SEMA5A: variants seen among roughly 807,000 people sequenced by gnomAD.
SEMA5A encodes semaphorin-5A.
A neutral mutation model predicts 135.5 loss-of-function variants in SEMA5A; 55 were observed. That is an observed-to-expected ratio of 0.41 (90% CI 0.33 to 0.51). SEMA5A has a LOEUF of 0.51. Among genes scored for constraint, SEMA5A ranks in the 20% least tolerant of loss-of-function variants. The pLI is 0.37. For missense variants in SEMA5A, 1,290 were observed against 1,419.9 expected, an observed-to-expected ratio of 0.91 and a Z score of 1.47; for synonymous variants, 580 against 546.5, an observed-to-expected ratio of 1.06 and a Z score of -0.85.
intron 1 of SEMA5A, among the ~76,000 whole-genome samples, chr5:9,506,110 G>A (rs1382088381): frequency 6.6e-6 from 1 of 152,074 alleles, no homozygotes; most frequent in East Asian, 1.9e-4. Context: ...GATAATTTAG[G>A]CTTCTTTTTA....
chr5:9,407,904 CACCACCAATACCACTACCATG>C (rs1447925663), intron 2 of SEMA5A, among the ~76,000 whole-genome samples: 1 of 152,034 alleles, frequency 6.6e-6, no homozygotes, highest in Non-Finnish European at 1.5e-5. Context: ...CTACCACCAT[CACCACCAATACCACTACCATG>C]ACCACCATCA....
chr5:9,212,899 T>TG (rs1404430686), intron 8 of SEMA5A, among the ~76,000 whole-genome samples: 4 of 152,202 alleles, frequency 2.6e-5, no homozygotes, highest in African/African-American at 9.7e-5. Context: ...TTCCAGCTGC[T>TG]GTAACAAAAA....
At chr5:9,047,202 A>T (rs2150033450) in intron 21 of SEMA5A, among the ~76,000 whole-genome samples, 1 of 152,300 alleles carries the variant, frequency 6.6e-6, no homozygotes, top group South Asian at 2.1e-4. Context: ...CTTCTGAAGG[A>T]AATACTTCCT....
chr5:9,495,913 T>C (rs910843949), intron 1 of SEMA5A, among the ~76,000 whole-genome samples: 1 of 152,208 alleles, frequency 6.6e-6, no homozygotes, highest in African/African-American at 2.4e-5. Context: ...GGTTTACTCA[T>C]TACCCCTCTG....
intron 1 of SEMA5A, among the ~76,000 whole-genome samples, chr5:9,494,443 T>C (rs180978249): frequency 4.2e-4 from 64 of 152,274 alleles, no homozygotes; most frequent in Non-Finnish European, 1.0e-4. Flanking sequence ...ACAGAGTCTA[T>C]TCAGGACACA....
chr5:9,224,776 C>A lies in SEMA5A; in HGVS notation c.544G>T (p.Ala182Ser). 1.2e-6 allele frequency: 2 copies of A among 1,614,142 alleles called. No homozygotes were observed. Among genetic ancestry groups the A allele is most frequent in the Non-Finnish European group, 1.7e-6 (2 of 1,180,028 alleles). ...LLTAGGELYAATAMDFPGRDP... is the reference protein window; with the variant it reads ...LLTAGGELYASTAMDFPGRDP... The stretch of plus-strand genomic sequence containing the variant: ...CGTCCTGGAAAATCCATGGCTGTAG[C>A]AGCATAGAGCTCCCCACCAGCTGTG... Residue 182 changes from alanine (A) to serine (S), a missense_variant, in exon 8 of 23, where the codon GCT becomes TCT. Around this residue, in one of 3 missense-constraint regions of SEMA5A, gnomAD observed 145 missense variants for 212.0 expected, o/e 0.68. Coordinates refer to ENST00000382496, the MANE Select transcript of SEMA5A (RefSeq NM_003966.3).
At chr5:9,150,172 G>C (rs563313285) in intron 12 of SEMA5A, among the ~76,000 whole-genome samples, 9 of 152,136 alleles carry the variant, frequency 5.9e-5, no homozygotes, top group African/African-American at 2.2e-4. Flanking sequence ...GATGCTACTC[G>C]ACCATGAGCC....
intron 9 of SEMA5A, among the ~76,000 whole-genome samples, chr5:9,199,579 T>C (rs1218664935): frequency 2.0e-5 from 3 of 152,202 alleles, no homozygotes; most frequent in Non-Finnish European, 4.4e-5. Context: ...ACAAGCTCAC[T>C]TGGACAACAG....
intron 8 of SEMA5A, among the ~76,000 whole-genome samples, chr5:9,212,129 C>T (rs552072857): frequency 6.6e-6 from 1 of 152,290 alleles, no homozygotes; most frequent in South Asian, 2.1e-4. Flanking sequence ...TCAAGTTTTT[C>T]CTCTGTGTGC....
intron 21 of SEMA5A, 31 bp from the exon 22 acceptor site, chr5:9,044,615 C>T (rs763528803): frequency 1.3e-6 from 2 of 1,582,632 alleles, no homozygotes; most frequent in Non-Finnish European, 8.7e-7. Flanking sequence ...TGATGCCACA[C>T]TTGAAAAGAA....
intron 9 of SEMA5A, among the ~76,000 whole-genome samples, chr5:9,197,925 T>C (rs1745507921): frequency 6.6e-6 from 1 of 152,174 alleles, no homozygotes; most frequent in African/African-American, 2.4e-5. Flanking sequence ...AGAGAAAAAT[T>C]TGACATAGCA....
intron 3 of SEMA5A, among the ~76,000 whole-genome samples, chr5:9,349,793 T>C (rs1189255276): frequency 6.6e-6 from 1 of 151,976 alleles, no homozygotes; most frequent in Non-Finnish European, 1.5e-5. Context: ...TCCCAGCTAC[T>C]CGGGAAGCTG....
At chr5:9,311,594 G>C (rs1412235302) in intron 5 of SEMA5A, among the ~76,000 whole-genome samples, 1 of 135,828 alleles carries the variant, frequency 7.4e-6, no homozygotes, top group Non-Finnish European at 1.6e-5. Context: ...GGACTGTTGT[G>C]GGGTCGGGGG....
chr5:9,452,113 C>T (rs1375046132), intron 1 of SEMA5A, among the ~76,000 whole-genome samples: 3 of 152,316 alleles, frequency 2.0e-5, no homozygotes, highest in East Asian at 3.9e-4. Flanking sequence ...CCCTACAGCT[C>T]AGAATTGGCC....
chr5:9,224,940 T>C, intron 7 of SEMA5A, 53 bp from the exon 8 acceptor site: 1 of 1,503,026 alleles, frequency 6.7e-7, no homozygotes, highest in South Asian at 1.2e-5. Context: ...GCCCCTTTAG[T>C]GATGCTTATG....
At chr5:9,221,517 T>A (rs954424306) in intron 8 of SEMA5A, among the ~76,000 whole-genome samples, 1 of 151,936 alleles carries the variant, frequency 6.6e-6, no homozygotes, top group Non-Finnish European at 1.5e-5. Context: ...TTAGCCAGGA[T>A]GGTCTCGATC....
intron 5 of SEMA5A, among the ~76,000 whole-genome samples, chr5:9,239,128 T>C (rs1367734444): frequency 6.6e-6 from 1 of 152,186 alleles, no homozygotes; most frequent in African/African-American, 2.4e-5. Flanking sequence ...CTTGTATAAT[T>C]TATGTTACTT....
intron 2 of SEMA5A, among the ~76,000 whole-genome samples, chr5:9,406,024 A>G (rs945860798): frequency 1.3e-5 from 2 of 152,222 alleles, no homozygotes; most frequent in African/African-American, 2.4e-5. Context: ...CCAATTTACC[A>G]TGAATGATGA....
intron 3 of SEMA5A, among the ~76,000 whole-genome samples, chr5:9,339,301 G>A (rs1384597117): frequency 2.0e-5 from 3 of 152,166 alleles, no homozygotes; most frequent in Admixed American, 6.6e-5. Context: ...GAGAGCTGCA[G>A]TAAAACAAGA....
Sources: allele counts gnomAD v4.1 joint callset (sites outside exome capture counted in the v4.1 genomes callset), GRCh38; gene constraint gnomAD v4.1.1; regional missense constraint gnomAD v4.1.1; transcripts MANE v1.5; gene names NCBI Gene and HGNC (gene_info 2026-07-23, HGNC 2026-07-21).